Variants in CEP128 observed in about 807,000 individuals in gnomAD.
CEP128 encodes the protein centrosomal protein 128.
In CEP128, 132 loss-of-function variants were observed where a neutral mutation model predicts 156.7. The ratio of observed to expected loss-of-function variants is 0.84; its 90% confidence interval spans 0.73 to 0.97. The LOEUF (loss-of-function observed/expected upper bound fraction) is 0.97. Ranked by LOEUF, CEP128 falls within the 50% of genes least tolerant of loss-of-function variation. CEP128 has a pLI of 0.00. For missense variants in CEP128, 1,252 were observed against 1,281.9 expected (o/e 0.98, Z 0.36); for synonymous variants, 469 against 448.9 (o/e 1.04, Z -0.57).
chr14:80,730,851 G>A (rs1359217706), intron 19 of CEP128, among the ~76,000 whole-genome samples: 1 of 152,090 alleles, frequency 6.6e-6, no homozygotes, highest in Non-Finnish European at 1.5e-5. Flanking sequence ...GGAGAGAAAG[G>A]TTGCATCCAA....
At chr14:80,785,914 C>A (rs1405673840) in intron 14 of CEP128, among the ~76,000 whole-genome samples, 1 of 152,042 alleles carries the variant, frequency 6.6e-6, no homozygotes, top group East Asian at 1.9e-4. Context: ...TACACTATTA[C>A]CTAAAATAAT....
intron 19 of CEP128, among the ~76,000 whole-genome samples, chr14:80,655,688 AG>A (rs1277721551): frequency 6.6e-6 from 1 of 152,150 alleles, no homozygotes; most frequent in Non-Finnish European, 1.5e-5. Context: ...TTCAGGAAAG[AG>A]GCACCTACCC....
intron 23 of CEP128, among the ~76,000 whole-genome samples, chr14:80,505,796 C>T (rs932614308): frequency 6.6e-5 from 10 of 152,136 alleles, no homozygotes; most frequent in South Asian, 4.1e-4. Context: ...TTCCCATGAA[C>T]GCTTCCTACT....
intron 14 of CEP128, among the ~76,000 whole-genome samples, chr14:80,485,109 G>A (rs988666565): frequency 6.6e-6 from 1 of 152,120 alleles, no homozygotes; most frequent in Non-Finnish European, 1.5e-5. Context: ...ATTTGTCTAT[G>A]AGAAGTTCAG....
intron 3 of CEP128, 104 bp from the exon 4 acceptor site, chr14:80,914,512 C>A: frequency 1.3e-6 from 1 of 782,806 alleles, no homozygotes. Context: ...GTAAAATGTA[C>A]AACTTTTATC....
chr14:80,861,891 G>A (rs1434669664), intron 9 of CEP128, among the ~76,000 whole-genome samples: 5 of 152,028 alleles, frequency 3.3e-5, no homozygotes, highest in Non-Finnish European at 5.9e-5. Context: ...AAGATTCACA[G>A]ATAAGTATGT....
chr14:80,678,049 A>AAAATATATATATAT, intron 19 of CEP128, among the ~76,000 whole-genome samples: 42 of 98,488 alleles, frequency 4.3e-4, no homozygotes, highest in African/African-American at 1.2e-3. Context: ...ATAAAAAAAA[A>AAAATATATATATAT]ATATATATAT....
At chr14:80,898,803 T>C (rs1258477770) in intron 7 of CEP128, among the ~76,000 whole-genome samples, 1 of 152,220 alleles carries the variant, frequency 6.6e-6, no homozygotes, top group Admixed American at 6.5e-5. Flanking sequence ...TATAGCTCAA[T>C]AATATATCTC....
intron 2 of CEP128, chr14:80,955,508 T>A: frequency 1.3e-6 from 1 of 772,912 alleles, no homozygotes; most frequent in Non-Finnish European, 2.2e-6. Flanking sequence ...TAAGTGCCTC[T>A]TTTTCCCCTT....
At chr14:80,800,950 A>T (rs956750048) in intron 13 of CEP128, among the ~76,000 whole-genome samples, 1 of 152,226 alleles carries the variant, frequency 6.6e-6, no homozygotes, top group African/African-American at 2.4e-5. Flanking sequence ...GAAAGAAGGC[A>T]AACTAAAATG....
intron 16 of CEP128, among the ~76,000 whole-genome samples, chr14:80,763,434 T>C (rs1453897751): frequency 6.6e-6 from 1 of 152,300 alleles, no homozygotes; most frequent in South Asian, 2.1e-4. Context: ...TGAACAGTAT[T>C]TGATAATTGT....
intron 18 of CEP128, among the ~76,000 whole-genome samples, chr14:80,755,250 C>G (rs1012346981): frequency 1.2e-4 from 18 of 152,288 alleles, no homozygotes; most frequent in Admixed American, 8.5e-4. Context: ...ACTGGCTCTC[C>G]TTGCTCCTCA....
At chr14:80,871,925 T>C (rs928192333) in intron 8 of CEP128, among the ~76,000 whole-genome samples, 8 of 152,156 alleles carry the variant, frequency 5.3e-5, no homozygotes, top group African/African-American at 1.9e-4. Flanking sequence ...AATATGTTGA[T>C]TCCTCAGATC....
chr14:80,744,766 T>G (rs1899013860), intron 18 of CEP128, among the ~76,000 whole-genome samples: 1 of 152,118 alleles, frequency 6.6e-6, no homozygotes. Context: ...GCAGCTCTGA[T>G]TTGCATAGGC....
chr14:80,522,768 G>C (rs1239890140), intron 23 of CEP128, among the ~76,000 whole-genome samples: 2 of 152,192 alleles, frequency 1.3e-5, no homozygotes, highest in Admixed American at 1.3e-4. Context: ...AAGGAAGCCT[G>C]TATGTCCTAC....
intron 23 of CEP128, among the ~76,000 whole-genome samples, chr14:80,522,149 T>A (rs1308775530): frequency 2.0e-5 from 3 of 152,172 alleles, no homozygotes; most frequent in African/African-American, 7.2e-5. Context: ...TTTACAGTCA[T>A]TAAAATAAAA....
At chr14:80,685,211 C>T (rs1461493068) in intron 19 of CEP128, among the ~76,000 whole-genome samples, 1 of 152,032 alleles carries the variant, frequency 6.6e-6, no homozygotes, top group Non-Finnish European at 1.5e-5. Context: ...AAAGACTTGG[C>T]AAAAGGCTAC....
intron 9 of CEP128, among the ~76,000 whole-genome samples, chr14:80,845,319 A>G (rs1566666560): frequency 6.6e-6 from 1 of 152,148 alleles, no homozygotes; most frequent in Non-Finnish European, 1.5e-5. Context: ...AACAGATTAT[A>G]TTTTTATGCA....
At chr14:80,912,212 C>A (rs1884273333) in intron 4 of CEP128, among the ~76,000 whole-genome samples, 1 of 147,306 alleles carries the variant, frequency 6.8e-6, no homozygotes, top group African/African-American at 2.5e-5. Context: ...CGAGACTCCA[C>A]CTCAAAAAAA....
Sources: gnomAD v4.1 joint callset for allele counts (sites outside exome capture counted in the v4.1 genomes callset) on GRCh38, gnomAD v4.1.1 for gene constraint, MANE v1.5 for transcripts, NCBI Gene and HGNC (gene_info 2026-07-23, HGNC 2026-07-21) for gene names.